PEPD: variants seen among roughly 807,000 people sequenced by gnomAD.
The protein encoded by PEPD is peptidase D, also known as xaa-Pro dipeptidase.
PEPD carries 53 observed loss-of-function variants against 60.7 expected under a neutral mutation model. The ratio of observed to expected loss-of-function variants is 0.87; its 90% confidence interval spans 0.70 to 1.10. The LOEUF (loss-of-function observed/expected upper bound fraction) is 1.10. Ranked by LOEUF, PEPD falls within the 50% of genes least tolerant of loss-of-function variation. The pLI is 0.00. For synonymous variants in PEPD, 267 were observed against 284.1 expected, an observed-to-expected ratio of 0.94 and a Z score of 0.60; for missense variants, 711 against 711.9, an observed-to-expected ratio of 1.00 and a Z score of 0.01.
At chr19:33,489,270 G>C (rs1191858861) in intron 6 of PEPD, among the ~76,000 whole-genome samples, 1 of 152,200 alleles carries the variant, frequency 6.6e-6, no homozygotes, top group Admixed American at 6.5e-5. Context: ...CTGGGATTAG[G>C]ACAGCAGGGG....
intron 9 of PEPD, among the ~76,000 whole-genome samples, chr19:33,459,787 G>A (rs8107227): frequency 1.0e-3 from 155 of 152,182 alleles, no homozygotes; most frequent in African/African-American, 3.7e-3. Flanking sequence ...TCCTGGGGTG[G>A]GTGGTGTGTC....
intron 6 of PEPD, among the ~76,000 whole-genome samples, chr19:33,487,698 C>T (rs967907636): frequency 6.6e-6 from 1 of 152,144 alleles, no homozygotes; most frequent in African/African-American, 2.4e-5. Flanking sequence ...GGTACCAGCC[C>T]GGTGCCTGGG....
intron 9 of PEPD, among the ~76,000 whole-genome samples, chr19:33,428,240 C>A (rs1406248905): frequency 1.3e-5 from 2 of 152,210 alleles, no homozygotes; most frequent in African/African-American, 4.8e-5. Context: ...GGGAGTCACG[C>A]CCGTGGATGC....
At position 33,458,517 on chromosome 19, in the gene PEPD, G is replaced by A. The variant is rs376717026; in HGVS notation, c.671+4478C>T. Reference sequence around the variant, plus strand: ...GGTGTGTATGTGTGGCGTACATGGCGCATGATGTGTATGTGTGGTGTGTGT... The same window carrying A: ...GGTGTGTATGTGTGGCGTACATGGCACATGATGTGTATGTGTGGTGTGTGT... On this transcript the variant is annotated intron_variant, in intron 9 of 14. Coordinates refer to ENST00000244137, the MANE Select transcript of PEPD (RefSeq NM_000285.4). Among the ~76,000 whole-genome samples the A allele has an allele frequency of 1.7e-3, 250 of 146,294 alleles. 1 individual carries two copies. The highest frequency in any genetic ancestry group is 5.3e-3 in the African/African-American group (209 of 39,474).
At chr19:33,441,419 C>G (rs1969477841) in intron 9 of PEPD, among the ~76,000 whole-genome samples, 2 of 152,222 alleles carry the variant, frequency 1.3e-5, no homozygotes, top group Non-Finnish European at 2.9e-5. Flanking sequence ...TTGGTGACCA[C>G]ATCCCCAGGA....
chr19:33,458,634 CGT>C (rs1969864639), intron 9 of PEPD, among the ~76,000 whole-genome samples: 1 of 91,884 alleles, frequency 1.1e-5, no homozygotes, highest in East Asian at 3.9e-4. Flanking sequence ...ATGTGTGTGG[CGT>C]GTGTGTTGTG....
chr19:33,446,415 CG>C (rs1969594723), intron 9 of PEPD, among the ~76,000 whole-genome samples: 1 of 152,224 alleles, frequency 6.6e-6, no homozygotes, highest in African/African-American at 2.4e-5. Flanking sequence ...CCTCACCGGA[CG>C]GGTCATCCTG....
At chr19:33,482,694 CAAG>C (rs1970331429) in intron 6 of PEPD, among the ~76,000 whole-genome samples, 1 of 152,230 alleles carries the variant, frequency 6.6e-6, no homozygotes, top group Non-Finnish European at 1.5e-5. Flanking sequence ...TATGTTCACA[CAAG>C]AAGTCTGACA....
intron 3 of PEPD, 103 bp downstream of exon 3, chr19:33,510,925 C>A: frequency 8.1e-7 from 1 of 1,231,150 alleles, no homozygotes; most frequent in Non-Finnish European, 1.2e-6. Context: ...GCTCTTCCCT[C>A]CTCCCCGTCC....
At position 33,392,872 on chromosome 19, in the gene PEPD, C is replaced by A. The variant is rs374554932; in HGVS notation, c.968-1393G>T. Among the ~76,000 whole-genome samples, 56 of 152,060 alleles carry A rather than the reference C, an allele frequency of 3.7e-4. No homozygotes were observed. The East Asian group carries it at 8.5e-3, about 23-fold the overall frequency. On this transcript the variant is annotated intron_variant, in intron 12 of 14. Transcript: ENST00000244137. Reference sequence around the variant, plus strand: ...GTCCACACTGGGACACAGGCCATCACCCCCGACACACTGGGCACAAGTCCT... The same window carrying A: ...GTCCACACTGGGACACAGGCCATCAACCCCGACACACTGGGCACAAGTCCT...
At chr19:33,494,655 G>A (rs1000749923) in intron 4 of PEPD, among the ~76,000 whole-genome samples, 2 of 152,188 alleles carry the variant, frequency 1.3e-5, no homozygotes, top group African/African-American at 2.4e-5. Context: ...CCAGTAGGTC[G>A]CTGAAGACGG....
intron 11 of PEPD, among the ~76,000 whole-genome samples, chr19:33,403,736 C>T (rs771689418): frequency 3.3e-5 from 5 of 152,216 alleles, no homozygotes; most frequent in African/African-American, 4.8e-5. Context: ...AGTCCCCAGC[C>T]GGGCACTTTT....
chr19:33,500,825 G>A, intron 4 of PEPD, 113 bp downstream of exon 4: 1 of 773,202 alleles, frequency 1.3e-6, no homozygotes, highest in East Asian at 2.4e-5. Flanking sequence ...TGGTGGCCAG[G>A]TGGTAGTGTC....
intron 9 of PEPD, among the ~76,000 whole-genome samples, chr19:33,451,049 T>C (rs999564313): frequency 6.6e-6 from 1 of 152,248 alleles, no homozygotes; most frequent in African/African-American, 2.4e-5. Context: ...TAAATATGAC[T>C]GCAAAACCGC....
chr19:33,452,683 T>C (rs1477998855), intron 9 of PEPD, among the ~76,000 whole-genome samples: 1 of 152,230 alleles, frequency 6.6e-6, no homozygotes, highest in East Asian at 1.9e-4. Context: ...TTGGTTACAA[T>C]GTAAAATCTT....
At chr19:33,403,633 C>T (rs569408436) in intron 11 of PEPD, among the ~76,000 whole-genome samples, 35 of 152,338 alleles carry the variant, frequency 2.3e-4, no homozygotes, top group Admixed American at 8.5e-4. Context: ...AGCAGGGCCA[C>T]GTGGCTGGAC....
chr19:33,509,915 C>T (rs955085600), intron 3 of PEPD, among the ~76,000 whole-genome samples: 18 of 152,352 alleles, frequency 1.2e-4, no homozygotes, highest in African/African-American at 3.8e-4. Flanking sequence ...AGCCTCTGCT[C>T]TATCTCACAG....
At chr19:33,420,989 G>A (rs1969004589) in intron 9 of PEPD, among the ~76,000 whole-genome samples, 1 of 152,196 alleles carries the variant, frequency 6.6e-6, no homozygotes, top group Non-Finnish European at 1.5e-5. Context: ...TGCTTCCGCT[G>A]CCACAATGTT....
chr19:33,455,427 G>A (rs1459987194), intron 9 of PEPD, among the ~76,000 whole-genome samples: 6 of 151,814 alleles, frequency 4.0e-5, no homozygotes, highest in African/African-American at 1.5e-4. Context: ...AAGCCAGGAA[G>A]ACAATGCTAC....
Sources: gnomAD v4.1 joint callset for allele counts (sites outside exome capture counted in the v4.1 genomes callset) on GRCh38, gnomAD v4.1.1 for gene constraint, MANE v1.5 for transcripts, NCBI Gene and HGNC (gene_info 2026-07-23, HGNC 2026-07-21) for gene names.